Variants in PRIMPOL observed in about 807,000 individuals in gnomAD.
PRIMPOL encodes primase and DNA directed polymerase, also known as DNA-directed primase/polymerase protein.
Under a neutral mutation model 63.6 loss-of-function variants are expected in PRIMPOL, and 54 were observed. The ratio of observed to expected loss-of-function variants is 0.85; its 90% CI spans 0.68 to 1.07. PRIMPOL has a LOEUF of 1.07. Ranked by LOEUF, PRIMPOL falls within the 50% of genes least tolerant of loss-of-function variation. The pLI, the probability that PRIMPOL is intolerant of heterozygous loss-of-function variation, is 0.00. For missense variants in PRIMPOL, 610 were observed against 648.3 expected (o/e 0.94, Z 0.64); for synonymous variants, 197 against 220.2 (o/e 0.89, Z 0.93).
chr4:184,676,101 T>TTTTATG (rs1273651691), intron 7 of PRIMPOL, among the ~76,000 whole-genome samples: 1 of 152,068 alleles, frequency 6.6e-6, no homozygotes, highest in Admixed American at 6.6e-5. Context: ...TTGTTCTGCC[T>TTTTATG]TTTATGTTTA....
In PRIMPOL at chr4:184,672,124, G is replaced by A. The variant is rs1449608673; in HGVS notation, c.557-49G>A. On this transcript the variant is annotated intron_variant, in intron 6 of 13. Transcript: ENST00000314970. ...TGGATTCCTGGCTAGACCTTAAGAT[G>A]CGGTGTGTGGAGAAGATCCAGGTGA... 3.4e-6 allele frequency: 5 copies of A among 1,459,996 alleles called. No individual in the cohort carries two copies. In the African/African-American group the frequency reaches 7.1e-5, roughly 21 times the overall value. 90.4% of individuals were successfully genotyped at this position (1,459,996 alleles called of 1,614,324 possible).
chr4:184,691,118 T>C (rs946382074), intron 11 of PRIMPOL, among the ~76,000 whole-genome samples: 5 of 149,764 alleles, frequency 3.3e-5, no homozygotes, highest in African/African-American at 1.3e-4. Context: ...TGGACCTTTT[T>C]TGTGGTTATC....
chr4:184,694,792 G>C lies in PRIMPOL; in HGVS notation c.*13G>C. On this transcript the variant is annotated 3_prime_UTR_variant, in exon 14 of 14. Transcript: ENST00000314970. The stretch of plus-strand genomic sequence containing the variant: ...ATTACAAGAGTAACTAATTCACTAT[G>C]AACACTTTTGTCACCAGGCTATAAT... 6.3e-7 allele frequency: 1 copy of C among 1,592,872 alleles called. No homozygotes were observed. The highest frequency in any genetic ancestry group is 1.3e-5 in the African/African-American group (1 of 74,582).
chr4:184,662,442 T>A (rs1470954277), intron 5 of PRIMPOL, among the ~76,000 whole-genome samples: 1 of 152,212 alleles, frequency 6.6e-6, no homozygotes, highest in Non-Finnish European at 1.5e-5. Flanking sequence ...AAAATATAGT[T>A]ACTATTTTTA....
At chr4:184,682,470 C>T in intron 9 of PRIMPOL, 134 bp downstream of exon 9, 2 of 540,374 alleles carry the variant, frequency 3.7e-6, no homozygotes, top group East Asian at 3.1e-5. Context: ...GCCTCAGCCT[C>T]CGGAGTAGTT....
rs534387563 is a variant in PRIMPOL at position 184,694,461 on chromosome 4, C to G, written c.1426-61C>G. 191 of 1,562,048 alleles carry G rather than the reference C, an allele frequency of 1.2e-4. 1 individual carries two copies. The East Asian group carries it at 4.3e-3, about 35-fold the overall frequency. The stretch of plus-strand genomic sequence containing the variant: ...TTCAACATAGAGTATAAGGTTAAAT[C>G]ACATATCCTGAGTAAATATTTTCCT... On this transcript the variant is annotated intron_variant, in intron 13 of 13. Transcript: ENST00000314970.
chr4:184,665,611 T>C (rs1749660313), intron 5 of PRIMPOL, among the ~76,000 whole-genome samples: 2 of 151,784 alleles, frequency 1.3e-5, no homozygotes, highest in South Asian at 2.1e-4. Flanking sequence ...TCAGGTGATC[T>C]TCCTGCCTCG....
chr4:184,684,328 C>T (rs568521390), intron 9 of PRIMPOL, among the ~76,000 whole-genome samples: 11 of 152,134 alleles, frequency 7.2e-5, no homozygotes, highest in South Asian at 2.1e-4. Context: ...TGGTGTTGCA[C>T]GCCTGTAATC....
At chr4:184,654,084 A>G (rs546331275) in intron 2 of PRIMPOL, among the ~76,000 whole-genome samples, 17 of 152,226 alleles carry the variant, frequency 1.1e-4, no homozygotes, top group African/African-American at 4.1e-4. Context: ...CTGTTTTTTC[A>G]TTGTGACTCC....
Position 184,694,614 on chromosome 4 carries a change from T to C in PRIMPOL, c.1518T>C (p.Gly506=). ...CATCACCTAGCAGGCTGTCAACAGG[T>C]GCATCTGCTGATGCTGTCTGGGATA... ...HKPSPSRLST[G]ASADAVWDNG... is the part of the protein sequence containing the mutation. The change falls in exon 14 of 14, where the codon GGT becomes GGC. Residue 506 remains glycine (G), a synonymous_variant. Transcript: ENST00000314970. 6.2e-7 allele frequency: 1 copy of C among 1,613,838 alleles called. No homozygotes were observed. Among genetic ancestry groups the C allele is most frequent in the South Asian group, 1.1e-5 (1 of 91,074 alleles).
intron 1 of PRIMPOL, among the ~76,000 whole-genome samples, chr4:184,651,332 A>G (rs942163409): frequency 2.0e-5 from 3 of 152,110 alleles, no homozygotes; most frequent in Non-Finnish European, 4.4e-5. Flanking sequence ...TGCTGTTGCT[A>G]AAAAGACAGT....
chr4:184,693,105 A>G (rs1330125489), intron 13 of PRIMPOL, among the ~76,000 whole-genome samples: 2 of 152,224 alleles, frequency 1.3e-5, no homozygotes, highest in African/African-American at 4.8e-5. Context: ...TATATTCTAG[A>G]AAACTCAGTC....
At chr4:184,667,921 G>C (rs572090651) in intron 6 of PRIMPOL, among the ~76,000 whole-genome samples, 2 of 152,098 alleles carry the variant, frequency 1.3e-5, no homozygotes, top group African/African-American at 4.8e-5. Flanking sequence ...TGCATGAGCC[G>C]TGTGGTTTGT....
At chr4:184,692,898 T>C (rs1759229465) in intron 13 of PRIMPOL, among the ~76,000 whole-genome samples, 2 of 152,218 alleles carry the variant, frequency 1.3e-5, no homozygotes, top group South Asian at 4.1e-4. Context: ...TTAGTATTTC[T>C]ATAATGAAGT....
At chr4:184,678,454 G>A in intron 8 of PRIMPOL, 60 bp downstream of exon 8, 1 of 1,212,106 alleles carries the variant, frequency 8.3e-7, no homozygotes, top group South Asian at 1.4e-5. Context: ...ACAGTGAATG[G>A]CATTGTATAT....
Position 184,657,196 on chromosome 4 carries a change from A to G in PRIMPOL, c.56A>G (p.Tyr19Cys), listed in dbSNP as rs200511016. 85 of 1,613,168 alleles carry G rather than the reference A, an allele frequency of 5.3e-5. No homozygotes were observed. The highest frequency in any genetic ancestry group is 1.3e-4 in the African/African-American group (10 of 75,034). The change falls in exon 3 of 14, where the codon TAT becomes TGT. Residue 19 changes from tyrosine to cysteine, a missense_variant. This residue lies in a region of PRIMPOL where 159 missense variants were observed against 168.9 expected (regional missense o/e 0.94). Transcript: ENST00000314970. Reference protein sequence around the residue: ...LKQIEERASHYERKPLSSVYR... With the variant: ...LKQIEERASHCERKPLSSVYR... ...CAAATTGAAGAACGAGCATCTCATT[A>G]TGAGAGGAAACCGTTGTCCTCAGTG... is the stretch of plus-strand genomic sequence containing the variant.
chr4:184,660,036 A>C (rs1466669927), intron 4 of PRIMPOL, among the ~76,000 whole-genome samples: 2 of 150,460 alleles, frequency 1.3e-5, no homozygotes, highest in African/African-American at 2.5e-5. Flanking sequence ...GACCAGGCTG[A>C]TCTTGAACTC....
chr4:184,678,390 G>C lies in PRIMPOL; in HGVS notation c.1003G>C (p.Val335Leu). The C allele has an allele frequency of 6.2e-6, 10 of 1,601,994 alleles. No homozygotes were observed. The highest frequency in any genetic ancestry group is 8.5e-6 in the Non-Finnish European group (10 of 1,175,720). ...QYFLSSLVSN[V>L]RFSDTLRILT... ...TTTTCTCTCTTCTTTGGTCAGCAAT[G>C]TCAGGTATGTAGTAGCAGCATCAAA... The change falls in exon 8 of 14, where the codon GTC (valine) becomes CTC (leucine). Residue 335 changes from valine to leucine, a missense_variant. This residue lies in a region of PRIMPOL where 444 missense variants were observed against 456.4 expected (regional missense o/e 0.97). Transcript: ENST00000314970.
chr4:184,673,460 C>T lies in PRIMPOL; in HGVS notation c.844+1000C>T, dbSNP rs533034644. 4.7e-5 allele frequency among the ~76,000 whole-genome samples: 6 copies of T among 126,526 alleles called. No individual in the cohort carries two copies. In the South Asian group the frequency reaches 1.3e-3, roughly 27 times the overall value. 83.0% of individuals were successfully genotyped at this position (126,526 alleles called of 152,430 possible). A position where few individuals can be genotyped will look rare whatever the true frequency, so the allele number is the denominator to read the frequency against. The stretch of plus-strand genomic sequence containing the variant: ...TTTTTTTTTAAGATGGAGTCTCGCT[C>T]TGTCACCAGGCTGGAGTGTGGTGGC... On this transcript the variant is annotated intron_variant, in intron 7 of 13. Coordinates refer to ENST00000314970, the MANE Select transcript of PRIMPOL (RefSeq NM_152683.4).
Sources: gnomAD v4.1 joint callset for allele counts (sites outside exome capture counted in the v4.1 genomes callset) on GRCh38, gnomAD v4.1.1 for gene constraint, gnomAD v4.1.1 regional missense constraint, MANE v1.5 for transcripts, NCBI Gene and HGNC (gene_info 2026-07-23, HGNC 2026-07-21) for gene names.